The following LHFPL3 variants were observed in gnomAD, a reference collection of about 807,000 sequenced individuals.
The protein encoded by LHFPL3 is LHFPL tetraspan subfamily member 3 protein.
In LHFPL3, 5 loss-of-function variants were observed where a neutral mutation model predicts 19.3. The observed-to-expected ratio is 0.26, with a 90% confidence interval of 0.14 to 0.54. LHFPL3 has a LOEUF of 0.54. Ranked by LOEUF, LHFPL3 falls within the 20% of genes least tolerant of loss-of-function variation. The pLI, the probability that LHFPL3 is intolerant of heterozygous loss-of-function variation, is 0.94. For synonymous variants in LHFPL3, 133 were observed against 126.2 expected (o/e 1.05, Z -0.36); for missense variants, 249 against 307.4 (o/e 0.81, Z 1.42).
intron 1 of LHFPL3, among the ~76,000 whole-genome samples, chr7:104,562,715 T>C (rs1052348209): frequency 2.0e-5 from 3 of 152,040 alleles, no homozygotes; most frequent in African/African-American, 7.3e-5. Flanking sequence ...CTTTGTTCCA[T>C]TGCTGGTGAG....
intron 1 of LHFPL3, among the ~76,000 whole-genome samples, chr7:104,418,287 A>T (rs896696363): frequency 6.6e-5 from 10 of 152,196 alleles, no homozygotes; most frequent in African/African-American, 2.4e-4. Flanking sequence ...GGCACAATAG[A>T]TGATTCAACA....
At chr7:104,656,940 T>C (rs897865803) in intron 1 of LHFPL3, among the ~76,000 whole-genome samples, 4 of 152,230 alleles carry the variant, frequency 2.6e-5, no homozygotes, top group African/African-American at 4.8e-5. Context: ...AACTTTTGGT[T>C]GTTCACAAGC....
At chr7:104,336,786 A>G (rs1027272064) in intron 1 of LHFPL3, among the ~76,000 whole-genome samples, 2 of 152,220 alleles carry the variant, frequency 1.3e-5, no homozygotes, top group Admixed American at 6.5e-5. Context: ...TAGTTGCAGG[A>G]AATTTTAAGA....
chr7:104,869,684 G>A (rs71562626), intron 2 of LHFPL3, among the ~76,000 whole-genome samples: 13,624 of 152,114 alleles, frequency 0.09, 1,299 homozygotes, highest in East Asian at 0.43. Context: ...TCAGTGTGGC[G>A]ATTCCTCAGG....
At chr7:104,566,889 A>C (rs1584407072) in intron 1 of LHFPL3, among the ~76,000 whole-genome samples, 1 of 152,210 alleles carries the variant, frequency 6.6e-6, no homozygotes, top group African/African-American at 2.4e-5. Flanking sequence ...CATAAGAAGA[A>C]AATGTTATAA....
chr7:104,752,777 G>C, intron 2 of LHFPL3: 1 of 395,942 alleles, frequency 2.5e-6, no homozygotes. Context: ...GACCACGCTC[G>C]AGTGTACCTT....
chr7:104,583,254 C>A (rs896224888), intron 1 of LHFPL3, among the ~76,000 whole-genome samples: 1 of 151,814 alleles, frequency 6.6e-6, no homozygotes, highest in Admixed American at 6.6e-5. Context: ...AACTGGCTAG[C>A]CACATGTAGA....
intron 2 of LHFPL3, among the ~76,000 whole-genome samples, chr7:104,815,730 C>T (rs1562801826): frequency 6.6e-6 from 1 of 152,152 alleles, no homozygotes; most frequent in Non-Finnish European, 1.5e-5. Flanking sequence ...TACCACCACC[C>T]CACCCCACAC....
chr7:104,524,075 C>G (rs887021835), intron 1 of LHFPL3, among the ~76,000 whole-genome samples: 38 of 152,170 alleles, frequency 2.5e-4, no homozygotes, highest in Middle Eastern at 3.2e-3. Flanking sequence ...TTGCCCTACA[C>G]TCCAGCAGTA....
At chr7:104,351,894 T>G (rs1790181089) in intron 1 of LHFPL3, among the ~76,000 whole-genome samples, 1 of 152,176 alleles carries the variant, frequency 6.6e-6, no homozygotes, top group African/African-American at 2.4e-5. Context: ...CCTGTTTTTC[T>G]CTGTTAAGAC....
rs571736423 is a variant in LHFPL3 at position 104,477,283 on chromosome 7, G to A, written c.445+148059G>A. Among the ~76,000 whole-genome samples, 99 of 152,220 alleles carry A rather than the reference G, an allele frequency of 6.5e-4. 3 individuals carry two copies. Among genetic ancestry groups the A allele is most frequent in the Middle Eastern group, 3.4e-3 (1 of 294 alleles). ...TGGGATTGCAGGTGTGAGCCAGTGC[G>A]CCCAGCCCAAGAACATAATTCTTGA... On this transcript the variant is annotated intron_variant, in intron 1 of 2. Transcript: ENST00000424859.
At chr7:104,825,992 T>C (rs1364685647) in intron 2 of LHFPL3, among the ~76,000 whole-genome samples, 2 of 151,784 alleles carry the variant, frequency 1.3e-5, no homozygotes, top group Non-Finnish European at 2.9e-5. Context: ...CCCCCAACAA[T>C]ATGGGGGATA....
intron 1 of LHFPL3, chr7:104,669,008 A>T: frequency 6.2e-7 from 1 of 1,612,166 alleles, no homozygotes; most frequent in Non-Finnish European, 8.5e-7. Context: ...ACAGGAAGTG[A>T]GTCATCACAG....
intron 1 of LHFPL3, among the ~76,000 whole-genome samples, chr7:104,441,399 C>T (rs116974277): frequency 1.1e-4 from 16 of 152,176 alleles, no homozygotes; most frequent in African/African-American, 2.6e-4. Flanking sequence ...TTGTTGCATA[C>T]GGCAGAATTT....
intron 1 of LHFPL3, among the ~76,000 whole-genome samples, chr7:104,425,995 C>T (rs1562893665): frequency 6.6e-6 from 1 of 152,288 alleles, no homozygotes; most frequent in East Asian, 1.9e-4. Flanking sequence ...AACTGTTGCA[C>T]GTCAACATTG....
chr7:104,823,395 T>TAA (rs1790715691), intron 2 of LHFPL3, among the ~76,000 whole-genome samples: 1 of 152,168 alleles, frequency 6.6e-6, no homozygotes, highest in Admixed American at 6.5e-5. Flanking sequence ...GGTGATCTCT[T>TAA]AAGGCCCTTC....
intron 1 of LHFPL3, among the ~76,000 whole-genome samples, chr7:104,331,318 A>G (rs1032907696): frequency 6.6e-6 from 1 of 152,250 alleles, no homozygotes; most frequent in East Asian, 1.9e-4. Flanking sequence ...TAGTTTTTGT[A>G]CTAAAGATGT....
chr7:104,741,718 C>T (rs773634056), intron 2 of LHFPL3, among the ~76,000 whole-genome samples: 1 of 151,776 alleles, frequency 6.6e-6, no homozygotes, highest in African/African-American at 2.4e-5. Flanking sequence ...TGTGTATTGG[C>T]GGCGGGGGTT....
At chr7:104,522,186 A>G (rs897278730) in intron 1 of LHFPL3, among the ~76,000 whole-genome samples, 2 of 152,086 alleles carry the variant, frequency 1.3e-5, no homozygotes, top group Non-Finnish European at 2.9e-5. Flanking sequence ...GCACATATAC[A>G]CCATGGAATA....
Sources: gnomAD v4.1 joint callset for allele counts (sites outside exome capture counted in the v4.1 genomes callset) on GRCh38, gnomAD v4.1.1 for gene constraint, MANE v1.5 for transcripts, NCBI Gene and HGNC (gene_info 2026-07-23, HGNC 2026-07-21) for gene names.